The following KCTD16 variants were observed in gnomAD, a reference collection of about 807,000 sequenced individuals.
The protein encoded by KCTD16 is potassium channel tetramerization domain containing 16.
Under a neutral mutation model 33.2 loss-of-function variants are expected in KCTD16, and 13 were observed. The observed-to-expected ratio is 0.39, with a 90% CI of 0.25 to 0.62. The LOEUF (loss-of-function observed/expected upper bound fraction) is 0.62, where lower values mean the gene tolerates loss of function less well. Ranked by LOEUF, KCTD16 falls within the 20% of genes least tolerant of loss-of-function variation. KCTD16 has a pLI of 0.50. For synonymous variants in KCTD16, 197 were observed against 195.3 expected (o/e 1.01, Z -0.07); for missense variants, 441 against 525.1 (o/e 0.84, Z 1.57).
intron 3 of KCTD16, among the ~76,000 whole-genome samples, chr5:144,373,297 T>C (rs1363020177): frequency 6.6e-6 from 1 of 152,134 alleles, no homozygotes; most frequent in Non-Finnish European, 1.5e-5. Flanking sequence ...ATGATGCAAA[T>C]GAAGGACCCT....
At chr5:144,376,574 A>G (rs1752098392) in intron 3 of KCTD16, among the ~76,000 whole-genome samples, 1 of 152,170 alleles carries the variant, frequency 6.6e-6, no homozygotes. Context: ...AAGGGAAAGG[A>G]CGGGGTGAGA....
intron 3 of KCTD16, among the ~76,000 whole-genome samples, chr5:144,461,794 T>C (rs1427269273): frequency 6.6e-6 from 1 of 152,230 alleles, no homozygotes; most frequent in African/African-American, 2.4e-5. Flanking sequence ...AGGCAGTATG[T>C]TTTCTTTCAC....
rs926053711 is a variant in KCTD16, at chr5:144,482,478, C to T, written c.*8364C>T. On this transcript the variant is annotated 3_prime_UTR_variant, in exon 4 of 4. Transcript: ENST00000512467. ...AGGAGAAGTAAAATAGGTGTATGAG[C>T]GTGTTTATATGTGTTTATGCATGAG... 6 of 151,726 alleles carry T rather than the reference C, an allele frequency of 4.0e-5. No individual in the cohort carries two copies. The highest frequency in any genetic ancestry group is 1.5e-4 in the African/African-American group (6 of 41,368). 9.4% of individuals were successfully genotyped at this position (151,726 alleles called of 1,614,324 possible). A position where few individuals can be genotyped will look rare whatever the true frequency, so the allele number is the denominator to read the frequency against.
chr5:144,385,186 A>G (rs866459347), intron 3 of KCTD16: 14 of 152,322 alleles, frequency 9.2e-5, no homozygotes, highest in Middle Eastern at 3.4e-3. Context: ...GAAAATTTCC[A>G]TTCAGGCTAT....
At position 144,299,132 on chromosome 5, in the gene KCTD16, ATATATATATATATATATT is replaced by A. The variant is rs1257183006; in HGVS notation, c.832+91588_832+91605del. On this transcript the variant is annotated intron_variant, in intron 3 of 3. Transcript: ENST00000512467. ...TATATATATATATATATATATATATATATATATATATATATATTTTTTTTTTTTTTTTTAACCTGTCAC... is the reference window on the plus strand; with the variant it reads ...TATATATATATATATATATATATATATTTTTTTTTTTTTTTAACCTGTCAC... Among the ~76,000 whole-genome samples the A allele has an allele frequency of 1.5e-3, 42 of 28,648 alleles. 1 individual carries two copies. Among genetic ancestry groups the A allele is most frequent in the South Asian group, 9.3e-3 (8 of 864 alleles). The allele number at this position is 28,648 out of a possible 152,430, so 18.8% of individuals were successfully genotyped here. A position where few individuals can be genotyped will look rare whatever the true frequency, so the allele number is the denominator to read the frequency against.
intron 3 of KCTD16, among the ~76,000 whole-genome samples, chr5:144,263,624 A>T (rs552119900): frequency 2.6e-5 from 4 of 152,210 alleles, no homozygotes; most frequent in Non-Finnish European, 4.4e-5. Flanking sequence ...TTAGAAGATT[A>T]AAAAAATGAT....
intron 3 of KCTD16, among the ~76,000 whole-genome samples, chr5:144,417,575 T>C (rs1013350116): frequency 6.6e-6 from 1 of 152,210 alleles, no homozygotes; most frequent in East Asian, 1.9e-4. Context: ...TTTCATTTTT[T>C]GACAATTTCT....
intron 3 of KCTD16, among the ~76,000 whole-genome samples, chr5:144,335,973 T>A (rs1752480583): frequency 6.6e-6 from 1 of 152,174 alleles, no homozygotes; most frequent in South Asian, 2.1e-4. Context: ...TCAGTACCCC[T>A]GTTGGGCAGG....
intron 3 of KCTD16, among the ~76,000 whole-genome samples, chr5:144,209,558 T>C (rs750030520): frequency 2.6e-5 from 4 of 151,994 alleles, no homozygotes; most frequent in Admixed American, 6.6e-5. Context: ...TTAGGACCAA[T>C]AAAACTGACA....
At chr5:144,265,521 C>A (rs777446095) in intron 3 of KCTD16, among the ~76,000 whole-genome samples, 9 of 152,170 alleles carry the variant, frequency 5.9e-5, no homozygotes, top group Non-Finnish European at 1.3e-4. Context: ...CAAACTCCTG[C>A]CCATGCCTCT....
intron 3 of KCTD16, among the ~76,000 whole-genome samples, chr5:144,271,697 G>A (rs1413783286): frequency 1.3e-5 from 2 of 151,574 alleles, no homozygotes; most frequent in African/African-American, 4.8e-5. Flanking sequence ...AATTGGAAAG[G>A]AAGAAGTAAA....
chr5:144,194,774 C>T (rs1239805774), intron 2 of KCTD16, among the ~76,000 whole-genome samples: 1 of 152,064 alleles, frequency 6.6e-6, no homozygotes, highest in Non-Finnish European at 1.5e-5. Context: ...GGGATTCGAC[C>T]CCAGGACTCT....
Position 144,320,982 on chromosome 5 carries a change from A to G in KCTD16, c.832+113436A>G, listed in dbSNP as rs554318219. On this transcript the variant is annotated intron_variant, in intron 3 of 3. Transcript: ENST00000512467. ...GTGATTCTCCTGCCTCAGCCTCCTA[A>G]GTAGCTGGGATTACAGGCACATGCC... Among the ~76,000 whole-genome samples, 9 of 152,212 alleles carry G rather than the reference A, an allele frequency of 5.9e-5. No homozygotes were observed. In the South Asian group the frequency reaches 1.7e-3, roughly 28 times the overall value.
intron 3 of KCTD16, among the ~76,000 whole-genome samples, chr5:144,306,861 C>T (rs889422802): frequency 4.6e-5 from 7 of 152,174 alleles, no homozygotes; most frequent in African/African-American, 1.4e-4. Flanking sequence ...CTGGGAACTT[C>T]GTTGCTGTAC....
chr5:144,457,334 C>T (rs1244620805), intron 3 of KCTD16, among the ~76,000 whole-genome samples: 1 of 152,134 alleles, frequency 6.6e-6, no homozygotes, highest in African/African-American at 2.4e-5. Context: ...GAGAGATGTG[C>T]CCCACGTGAA....
intron 3 of KCTD16, among the ~76,000 whole-genome samples, chr5:144,362,550 C>T (rs986169049): frequency 6.6e-6 from 1 of 152,006 alleles, no homozygotes; most frequent in African/African-American, 2.4e-5. Flanking sequence ...TAGGTAAGAA[C>T]GATCACTACC....
Position 144,330,266 on chromosome 5 carries a change from A to G in KCTD16, c.832+122720A>G, listed in dbSNP as rs1345157492. 3.3e-5 allele frequency among the ~76,000 whole-genome samples: 5 copies of G among 152,104 alleles called. No individual in the cohort carries two copies. The East Asian group carries it at 9.7e-4, about 30-fold the overall frequency. On this transcript the variant is annotated intron_variant, in intron 3 of 3. Coordinates refer to ENST00000512467, the MANE Select transcript of KCTD16 (RefSeq NM_020768.4). ...CGTCTCTACTAAAAATACAAAAATTAGCCACGCGAGTTGGTGCACTCCTGT... is the reference window on the plus strand; with the variant it reads ...CGTCTCTACTAAAAATACAAAAATTGGCCACGCGAGTTGGTGCACTCCTGT...
intron 3 of KCTD16, among the ~76,000 whole-genome samples, chr5:144,330,289 T>G (rs1752320040): frequency 6.6e-6 from 1 of 151,866 alleles, no homozygotes; most frequent in Non-Finnish European, 1.5e-5. Context: ...GGTGCACTCC[T>G]GTAGTCCCAG....
chr5:144,467,581 G>A lies in KCTD16; in HGVS notation c.833-6079G>A, dbSNP rs759096675. 8.5e-5 allele frequency among the ~76,000 whole-genome samples: 13 copies of A among 152,142 alleles called. 1 individual carries two copies. The highest frequency in any genetic ancestry group is 6.5e-5 in the Admixed American group (1 of 15,270). On this transcript the variant is annotated intron_variant, in intron 3 of 3. Coordinates refer to ENST00000512467, the MANE Select transcript of KCTD16 (RefSeq NM_020768.4). ...ACATTATGGTGCCGTGAAAGCAACG[G>A]GCAGGAGGAGGTTGGGACTAGCCTG...
Sources: allele counts gnomAD v4.1 joint callset (sites outside exome capture counted in the v4.1 genomes callset), GRCh38; gene constraint gnomAD v4.1.1; transcripts MANE v1.5; gene names NCBI Gene and HGNC (gene_info 2026-07-23, HGNC 2026-07-21).